Variants in KIF26A observed in about 807,000 individuals in gnomAD.
KIF26A encodes kinesin family member 26A, also known as kinesin-like protein KIF26A.
Under a neutral mutation model 126.0 loss-of-function variants are expected in KIF26A, and 74 were observed. That is an observed-to-expected ratio of 0.59 (90% CI 0.49 to 0.71). KIF26A has a LOEUF of 0.71. Among genes scored for constraint, KIF26A ranks in the 30% least tolerant of loss-of-function variants. The pLI, the probability that KIF26A is intolerant of heterozygous loss-of-function variation, is 0.00. For missense variants in KIF26A, 2,984 were observed against 2,763.3 expected (o/e 1.08, Z -1.79); for synonymous variants, 1,445 against 1,232.7 (o/e 1.17, Z -3.61).
In KIF26A at chr14:104,161,531, A is replaced by G. The variant is rs376544158; in HGVS notation, c.923+3589A>G. Among the ~76,000 whole-genome samples the G allele has an allele frequency of 4.6e-5, 7 of 152,192 alleles. No individual in the cohort carries two copies. The East Asian group carries it at 5.8e-4, about 13-fold the overall frequency. On this transcript the variant is annotated intron_variant, in intron 4 of 14. Transcript: ENST00000423312. ...GGAAAATATTTCCTTTTCTGTTGAC[A>G]TGAATCGATGGCCAGGGCCAATGAG...
intron 2 of KIF26A, among the ~76,000 whole-genome samples, chr14:104,140,031 G>T (rs2037622876): frequency 6.6e-6 from 1 of 152,126 alleles, no homozygotes; most frequent in South Asian, 2.1e-4. Flanking sequence ...GGGCGGGTGG[G>T]GGTCTCCAGA....
At position 104,179,819 on chromosome 14, in the gene KIF26A, G is replaced by C; in HGVS notation, c.*29G>C. The C allele has an allele frequency of 6.7e-7, 1 of 1,496,168 alleles. No individual in the cohort carries two copies. The highest frequency in any genetic ancestry group is 8.9e-7 in the Non-Finnish European group (1 of 1,122,992). The allele number at this position is 1,496,168 out of a possible 1,614,324, so 92.7% of individuals were successfully genotyped here. ...TGGGCGCCGGACAAGAGGAGGGGGCGTGCAGCGGGCTGGAGGACGGGACGT... is the reference window on the plus strand; with the variant it reads ...TGGGCGCCGGACAAGAGGAGGGGGCCTGCAGCGGGCTGGAGGACGGGACGT... On this transcript the variant is annotated 3_prime_UTR_variant, in exon 15 of 15. Transcript: ENST00000423312.
intron 12 of KIF26A, 64 bp from the exon 13 acceptor site, chr14:104,178,486 C>T (rs976562962): frequency 8.9e-5 from 115 of 1,289,048 alleles, no homozygotes; most frequent in Middle Eastern, 5.6e-4. Flanking sequence ...GCAGCGTCCC[C>T]GCAGGGGCTG....
intron 2 of KIF26A, among the ~76,000 whole-genome samples, chr14:104,150,898 C>T (rs2037723262): frequency 6.6e-6 from 1 of 152,250 alleles, no homozygotes; most frequent in South Asian, 2.1e-4. Context: ...CTGGGGGTTG[C>T]CCGGGCTGGG....
chr14:104,150,276 C>G (rs531173872), intron 2 of KIF26A, among the ~76,000 whole-genome samples: 2 of 148,512 alleles, frequency 1.3e-5, no homozygotes, highest in African/African-American at 2.5e-5. Flanking sequence ...AGCGAATCTC[C>G]GAAGCAGCAG....
At chr14:104,156,544 G>A (rs988213919) in intron 3 of KIF26A, among the ~76,000 whole-genome samples, 1 of 152,128 alleles carries the variant, frequency 6.6e-6, no homozygotes, top group Admixed American at 6.5e-5. Context: ...ACTTCCTTTC[G>A]CAGACATGGT....
At position 104,139,037 on chromosome 14, in the gene KIF26A, C is replaced by A; in HGVS notation, c.43-6C>A. ...CACTGTCCGCTTCCGCCCCCACACC[C>A]TGCAGGTGGCCGAGGGCGGCCCGGC... is the stretch of plus-strand genomic sequence containing the variant. On this transcript the variant is annotated splice_region_variant and splice_polypyrimidine_tract_variant and intron_variant, in intron 1 of 14. Transcript: ENST00000423312. The A allele has an allele frequency of 7.3e-7, 1 of 1,361,624 alleles. No homozygotes were observed. Among genetic ancestry groups the A allele is most frequent in the Non-Finnish European group, 9.4e-7 (1 of 1,066,270 alleles). The allele number at this position is 1,361,624 out of a possible 1,614,324, so 84.3% of individuals were successfully genotyped here.
At chr14:104,171,567 G>T (rs925693196) in intron 5 of KIF26A, among the ~76,000 whole-genome samples, 156 bp from the exon 6 acceptor site, 16 of 152,206 alleles carry the variant, frequency 1.1e-4, no homozygotes, top group Non-Finnish European at 4.4e-5. Flanking sequence ...ATCTGCTCTC[G>T]CCTGGAGCAG....
At chr14:104,177,951 A>T (rs1421295302) in intron 12 of KIF26A, 53 bp downstream of exon 12, 7 of 1,433,230 alleles carry the variant, frequency 4.9e-6, no homozygotes, top group Non-Finnish European at 6.4e-6. Flanking sequence ...CTGTGTGTAG[A>T]TGTGCACAGC....
intron 4 of KIF26A, among the ~76,000 whole-genome samples, chr14:104,164,658 C>CTG (rs144108801): frequency 6.6e-6 from 1 of 152,142 alleles, no homozygotes; most frequent in East Asian, 1.9e-4. Context: ...GGCCTGTACT[C>CTG]TGTGTGTGTG....
rs1189666548 is a variant in KIF26A at position 104,166,788 on chromosome 14, G to A, written c.924-71G>A. Reference sequence around the variant, plus strand: ...AAGTCCCAGGGTGGGATCGCCTGGTGACTCGCAGGCGGGTGACAGGAACAG... The same window carrying A: ...AAGTCCCAGGGTGGGATCGCCTGGTAACTCGCAGGCGGGTGACAGGAACAG... On this transcript the variant is annotated intron_variant, in intron 4 of 14. Transcript: ENST00000423312. 1.2e-5 allele frequency: 17 copies of A among 1,376,858 alleles called. No homozygotes were observed. The East Asian group carries it at 4.3e-4, about 35-fold the overall frequency. 85.3% of individuals were successfully genotyped at this position (1,376,858 alleles called of 1,614,324 possible). A position where few individuals can be genotyped will look rare whatever the true frequency, so the allele number is the denominator to read the frequency against.
intron 3 of KIF26A, among the ~76,000 whole-genome samples, chr14:104,156,978 G>A (rs761907500): frequency 9.9e-5 from 15 of 152,274 alleles, no homozygotes; most frequent in South Asian, 2.1e-4. Flanking sequence ...GGGGCACTGG[G>A]CCCTTGGGGA....
At chr14:104,158,591 C>T (rs1220961386) in intron 4 of KIF26A, among the ~76,000 whole-genome samples, 2 of 152,184 alleles carry the variant, frequency 1.3e-5, no homozygotes, top group African/African-American at 2.4e-5. Context: ...TCCCAGGCCC[C>T]GAGCTCGGGG....
intron 2 of KIF26A, among the ~76,000 whole-genome samples, chr14:104,149,991 G>A (rs1169050697): frequency 1.3e-5 from 2 of 152,144 alleles, no homozygotes; most frequent in East Asian, 1.9e-4. Flanking sequence ...TGGAAAACAG[G>A]CCCTGTCTGC....
intron 11 of KIF26A, 95 bp downstream of exon 11, chr14:104,174,405 AG>A: frequency 7.8e-7 from 1 of 1,286,330 alleles, no homozygotes; most frequent in Non-Finnish European, 1.0e-6. Context: ...GGGGGTCAGC[AG>A]GTGGCCTGGA....
At position 104,152,672 on chromosome 14, in the gene KIF26A, C is replaced by G. The variant is rs2037741668; in HGVS notation, c.735+211C>G. ...GCTGTTCTCAGGTCCCTGCCTGACT[C>G]AGGGAATACCTTCTCTGGGAGCACG... On this transcript the variant is annotated intron_variant, in intron 3 of 14. Coordinates refer to ENST00000423312, the MANE Select transcript of KIF26A (RefSeq NM_015656.2). The surrounding 1 kb of genome is among the most constrained non-coding windows in gnomAD (Gnocchi z 5.9). Among the ~76,000 whole-genome samples, 1 of 152,244 alleles carries G rather than the reference C, an allele frequency of 6.6e-6. No individual in the cohort carries two copies. The highest frequency in any genetic ancestry group is 2.1e-4 in the South Asian group (1 of 4,834).
At position 104,174,233 on chromosome 14, in the gene KIF26A, C is replaced by A. The variant is rs757223989; in HGVS notation, c.2116C>A (p.Pro706Thr). 9.5e-6 allele frequency: 15 copies of A among 1,580,008 alleles called. 1 individual carries two copies. The Middle Eastern group carries it at 2.3e-3, about 246-fold the overall frequency. The change falls in exon 11 of 15, where the codon CCA (proline) becomes ACA (threonine). Residue 706 changes from proline to threonine, a missense_variant. By Grantham distance (38) the Pro-to-Thr change is conservative. Coordinates refer to ENST00000423312, the MANE Select transcript of KIF26A (RefSeq NM_015656.2). The stretch of plus-strand genomic sequence containing the variant: ...CATGATCGCCCACGTGTCGGATGCG[C>A]CAGCCCAGCACGCAGAGACACTCAG... ...TTMIAHVSDA[P>T]AQHAETLSTV...
chr14:104,165,161 A>G (rs111065508), intron 4 of KIF26A, among the ~76,000 whole-genome samples: 19,717 of 146,032 alleles, frequency 0.14, 1,906 homozygotes, highest in African/African-American at 0.29. Context: ...GCATGTGTGT[A>G]TCTCTATGCA....
chr14:104,173,058 G>A lies in KIF26A; in HGVS notation c.1502G>A (p.Arg501Lys). 6.2e-7 allele frequency: 1 copy of A among 1,605,830 alleles called. No individual in the cohort carries two copies. The highest frequency in any genetic ancestry group is 8.5e-7 in the Non-Finnish European group (1 of 1,177,156). ...CCCTGCGCCATCTCCTGGCTCTTCA[G>A]GCTCATCGAGGAGCGCAGGGAGAGG... ...IVPCAISWLFRLIEERRERTG... is the reference protein window; with the variant it reads ...IVPCAISWLFKLIEERRERTG... Residue 501 changes from arginine (R) to lysine (K), a missense_variant, in exon 8 of 15, where the codon AGG (arginine) becomes AAG (lysine). Coordinates refer to ENST00000423312, the MANE Select transcript of KIF26A (RefSeq NM_015656.2).
Sources: gnomAD v4.1 joint callset for allele counts (sites outside exome capture counted in the v4.1 genomes callset) on GRCh38, gnomAD v4.1.1 for gene constraint, Gnocchi (gnomAD v3.1) non-coding constraint, MANE v1.5 for transcripts, NCBI Gene and HGNC (gene_info 2026-07-23, HGNC 2026-07-21) for gene names.